SYN3: variants seen among roughly 807,000 people sequenced by gnomAD.
SYN3 encodes synapsin-3.
Under a neutral mutation model 65.8 loss-of-function variants are expected in SYN3, and 35 were observed. That is an observed-to-expected ratio of 0.53 (90% CI 0.41 to 0.70). The LOEUF (loss-of-function observed/expected upper bound fraction) is 0.70, where lower values mean the gene tolerates loss of function less well. Ranked by LOEUF, SYN3 falls within the 30% of genes least tolerant of loss-of-function variation. The pLI, the probability that SYN3 is intolerant of heterozygous loss-of-function variation, is 0.00. For missense variants in SYN3, 680 were observed against 749.0 expected (o/e 0.91, Z 1.08); for synonymous variants, 270 against 292.9 (o/e 0.92, Z 0.80).
intron 6 of SYN3, among the ~76,000 whole-genome samples, chr22:32,853,018 C>T (rs2048266421): frequency 6.6e-6 from 1 of 152,184 alleles, no homozygotes; most frequent in Non-Finnish European, 1.5e-5. Flanking sequence ...CATGGGGAGA[C>T]CCGCTGGTCA....
intron 6 of SYN3, among the ~76,000 whole-genome samples, chr22:32,823,767 G>A (rs530157048): frequency 6.6e-6 from 1 of 152,154 alleles, no homozygotes; most frequent in African/African-American, 2.4e-5. Context: ...GACGTGGGGT[G>A]CAGTCAGAAT....
chr22:32,793,218 C>A (rs141325868), intron 6 of SYN3, among the ~76,000 whole-genome samples: 1 of 152,282 alleles, frequency 6.6e-6, no homozygotes, highest in East Asian at 1.9e-4. Flanking sequence ...ATGGGCCCAG[C>A]CTGAATTAGA....
intron 6 of SYN3, among the ~76,000 whole-genome samples, chr22:32,693,589 CTTGT>C (rs1351308328): frequency 8.8e-6 from 1 of 113,508 alleles, no homozygotes; most frequent in Non-Finnish European, 1.6e-5. Context: ...TTTTCTGTAG[CTTGT>C]TTTTTTTTTT....
intron 7 of SYN3, among the ~76,000 whole-genome samples, chr22:32,586,743 AT>A (rs2059049421): frequency 1.3e-5 from 2 of 152,096 alleles, no homozygotes; most frequent in Non-Finnish European, 2.9e-5. Context: ...CTACAAAGGA[AT>A]TTTTGCAAGT....
At chr22:32,641,607 CAAAAA>C (rs34461957) in intron 6 of SYN3, among the ~76,000 whole-genome samples, 1 of 67,950 alleles carries the variant, frequency 1.5e-5, no homozygotes. Flanking sequence ...GACTCCATCT[CAAAAA>C]AAAAAAAAAA....
chr22:32,527,122 G>A lies in SYN3; in HGVS notation c.1318+796C>T, dbSNP rs113699713. Among the ~76,000 whole-genome samples, 1,178 of 152,276 alleles carry A rather than the reference G, an allele frequency of 7.7e-3. 18 individuals carry two copies. Among genetic ancestry groups the A allele is most frequent in the African/African-American group, 0.027 (1,119 of 41,552 alleles). On this transcript the variant is annotated intron_variant, in intron 12 of 13. Coordinates refer to ENST00000358763, the MANE Select transcript of SYN3 (RefSeq NM_003490.4). ...AGTAATGCTGGAATATATTTGAGGA[G>A]GAATTTCAATGGCCAAGGTTTTATA...
rs1190083402 is a variant in SYN3, at chr22:32,512,931, T to C, written c.*761A>G. The stretch of plus-strand genomic sequence containing the variant: ...GGGAAGTCCAGGGCCTCTTTCTCCT[T>C]TGTAAACTAGTCTTTATTCCTACAA... On this transcript the variant is annotated 3_prime_UTR_variant, in exon 14 of 14. Transcript: ENST00000358763. The C allele has an allele frequency of 6.6e-6, 1 of 152,240 alleles. No homozygotes were observed. Among genetic ancestry groups the C allele is most frequent in the Non-Finnish European group, 1.5e-5 (1 of 68,044 alleles). The allele number at this position is 152,240 out of a possible 1,614,324, so 9.4% of individuals were successfully genotyped here. A position where few individuals can be genotyped will look rare whatever the true frequency, so the allele number is the denominator to read the frequency against.
In SYN3 at chr22:32,520,523, C is replaced by T. The variant is rs558085647; in HGVS notation, c.1319-2189G>A. Among the ~76,000 whole-genome samples, 9 of 152,304 alleles carry T rather than the reference C, an allele frequency of 5.9e-5. No individual in the cohort carries two copies. The South Asian group carries it at 8.3e-4, about 14-fold the overall frequency. On this transcript the variant is annotated intron_variant, in intron 12 of 13. Transcript: ENST00000358763. ...ATAAGGGGACACGCCGAGATTCAAA[C>T]CTAGATCTCTTTGACTCAAAAACCC... is the stretch of plus-strand genomic sequence containing the variant.
At chr22:32,995,824 A>G (rs942084350) in intron 2 of SYN3, among the ~76,000 whole-genome samples, 1 of 152,082 alleles carries the variant, frequency 6.6e-6, no homozygotes, top group Non-Finnish European at 1.5e-5. Flanking sequence ...CACCACGCTC[A>G]GTTAATTTTT....
At chr22:32,757,400 C>T (rs759773688) in intron 6 of SYN3, among the ~76,000 whole-genome samples, 25 of 150,088 alleles carry the variant, frequency 1.7e-4, no homozygotes, top group Non-Finnish European at 4.4e-5. Context: ...TGGGTTCAAG[C>T]GATTCTCCTG....
intron 1 of SYN3, among the ~76,000 whole-genome samples, chr22:33,053,316 C>T (rs1004987920): frequency 1.3e-5 from 2 of 151,976 alleles, no homozygotes; most frequent in South Asian, 2.1e-4. Flanking sequence ...CCAGCTACTC[C>T]GGAGGCTGAG....
intron 7 of SYN3, among the ~76,000 whole-genome samples, chr22:32,550,757 A>G (rs993901090): frequency 3.9e-5 from 6 of 152,054 alleles, no homozygotes; most frequent in African/African-American, 1.2e-4. Flanking sequence ...TCTAAAACCC[A>G]TTATGTTATT....
intron 8 of SYN3, among the ~76,000 whole-genome samples, chr22:32,539,007 G>C (rs2058210254): frequency 6.6e-6 from 1 of 152,142 alleles, no homozygotes. Context: ...GGAGAATCCA[G>C]ACAAGCTATC....
rs193212710 is a variant in SYN3, at chr22:32,566,321, C to T, written c.775-24608G>A. On this transcript the variant is annotated intron_variant, in intron 7 of 13. Coordinates refer to ENST00000358763, the MANE Select transcript of SYN3 (RefSeq NM_003490.4). ...ATGTGTCAAGCACTCAGTAGGTGCA[C>T]GTGGCTGATGGCTACCAAACTGGAC... Among the ~76,000 whole-genome samples the T allele has an allele frequency of 3.9e-5, 6 of 152,184 alleles. No individual in the cohort carries two copies. The East Asian group carries it at 9.7e-4, about 25-fold the overall frequency.
At chr22:32,692,282 AC>A (rs1442960299) in intron 6 of SYN3, among the ~76,000 whole-genome samples, 1 of 152,204 alleles carries the variant, frequency 6.6e-6, no homozygotes, top group South Asian at 2.1e-4. Context: ...ACTGCTGCAA[AC>A]AACCACTGCC....
intron 4 of SYN3, among the ~76,000 whole-genome samples, chr22:32,869,689 GGTTTTT>G (rs1316936828): frequency 1.7e-5 from 2 of 118,448 alleles, no homozygotes; most frequent in Non-Finnish European, 3.4e-5. Context: ...AACACATCTT[GGTTTTT>G]TTTTTTTTTT....
chr22:32,544,887 C>T (rs867524271), intron 7 of SYN3, among the ~76,000 whole-genome samples: 4 of 152,204 alleles, frequency 2.6e-5, no homozygotes, highest in African/African-American at 9.7e-5. Flanking sequence ...AGTGGGCTAC[C>T]TCGGAAGTGT....
chr22:32,692,127 T>A (rs1601923027), intron 6 of SYN3, among the ~76,000 whole-genome samples: 1 of 119,924 alleles, frequency 8.3e-6, no homozygotes, highest in Non-Finnish European at 1.6e-5. Context: ...TTGTTTGTCA[T>A]TGATACAAAA....
chr22:32,609,544 G>A (rs2059414284), intron 6 of SYN3, among the ~76,000 whole-genome samples: 2 of 148,628 alleles, frequency 1.3e-5, no homozygotes, highest in Non-Finnish European at 3.0e-5. Context: ...TGGCGTGGTC[G>A]TAGCTCACTG....
Sources: gnomAD v4.1 joint callset for allele counts (sites outside exome capture counted in the v4.1 genomes callset) on GRCh38, gnomAD v4.1.1 for gene constraint, MANE v1.5 for transcripts, NCBI Gene and HGNC (gene_info 2026-07-23, HGNC 2026-07-21) for gene names.